The following KLF8 variants were observed in gnomAD, a reference collection of about 807,000 sequenced individuals.
KLF8 encodes Krueppel-like factor 8.
Under a neutral mutation model 18.2 loss-of-function variants are expected in KLF8, and 10 were observed. That is an observed-to-expected ratio of 0.55 (90% CI 0.34 to 0.93). The LOEUF is 0.93. Among genes scored for constraint, KLF8 ranks in the 40% least tolerant of loss-of-function variants. KLF8 has a pLI of 0.02. For synonymous variants in KLF8, 109 were observed against 97.3 expected (o/e 1.12, Z -0.71); for missense variants, 264 against 277.9 (o/e 0.95, Z 0.36).
the KLF8 span, among the ~76,000 whole-genome samples, chrX:56,174,966 G>A: frequency 3.6e-5 from 4 of 111,421 alleles, no homozygotes; most frequent in Non-Finnish European, 7.5e-5. Context: ...TTTTTATTGC[G>A]TCTATTTGGT....
At chrX:55,972,087 C>A in the KLF8 span, among the ~76,000 whole-genome samples, 1 of 111,521 alleles carries the variant, frequency 9.0e-6, no homozygotes, top group Non-Finnish European at 1.9e-5. Context: ...GATATCTGCA[C>A]TCTCATGTTT....
the KLF8 span, among the ~76,000 whole-genome samples, chrX:55,945,257 G>A: frequency 1.1e-4 from 12 of 110,272 alleles, no homozygotes; most frequent in Non-Finnish European, 1.9e-4. Flanking sequence ...CCAACTATGC[G>A]GTCAATTTTG....
At chrX:56,132,003 G>A in the KLF8 span, among the ~76,000 whole-genome samples, 2 of 111,478 alleles carry the variant, frequency 1.8e-5, no homozygotes, top group African/African-American at 6.5e-5. Context: ...ATTACAACTA[G>A]ACCTATGAAA....
At chrX:55,991,492 T>G in the KLF8 span, among the ~76,000 whole-genome samples, 3 of 111,559 alleles carry the variant, frequency 2.7e-5, no homozygotes, top group African/African-American at 9.8e-5. Flanking sequence ...TCCCACTCGG[T>G]GCACTGCAAC....
the KLF8 span, among the ~76,000 whole-genome samples, chrX:55,929,825 T>C: frequency 9.2e-6 from 1 of 108,250 alleles, no homozygotes; most frequent in Non-Finnish European, 1.9e-5. Flanking sequence ...TTTTTTTTTT[T>C]CTTTTTTTTT....
chrX:56,123,531 A>G, the KLF8 span, among the ~76,000 whole-genome samples: 5 of 112,093 alleles, frequency 4.5e-5, no homozygotes, highest in African/African-American at 1.6e-4. Context: ...ATTATTTCTA[A>G]GAAGAGTGGT....
chrX:56,245,468 G>A (rs1277363361), intron 1 of KLF8, among the ~76,000 whole-genome samples: 1 of 112,073 alleles, frequency 8.9e-6, no homozygotes, highest in East Asian at 2.8e-4. Context: ...AACTCCTGTA[G>A]TCACAGTACC....
At chrX:56,074,095 TC>T in the KLF8 span, among the ~76,000 whole-genome samples, 1 of 111,772 alleles carries the variant, frequency 8.9e-6, no homozygotes, top group Non-Finnish European at 1.9e-5. Flanking sequence ...TTTTATTTCT[TC>T]TTTGGAAAAA....
chrX:56,041,394 C>T, the KLF8 span, among the ~76,000 whole-genome samples: 1 of 111,333 alleles, frequency 9.0e-6, no homozygotes, highest in Non-Finnish European at 1.9e-5. Flanking sequence ...GGATTACAGG[C>T]ATGAGCCACC....
At chrX:56,225,219 T>C in the KLF8 span, among the ~76,000 whole-genome samples, 3 of 111,456 alleles carry the variant, frequency 2.7e-5, no homozygotes, top group Non-Finnish European at 5.6e-5. Context: ...CTTTTCAATT[T>C]TTTCATTATT....
At chrX:56,203,630 A>G in the KLF8 span, among the ~76,000 whole-genome samples, 1 of 112,273 alleles carries the variant, frequency 8.9e-6, no homozygotes, top group East Asian at 2.8e-4. Flanking sequence ...GTCTGGTTTC[A>G]TTCTTTTGCA....
chrX:56,021,122 A>G, the KLF8 span, among the ~76,000 whole-genome samples: 1 of 112,612 alleles, frequency 8.9e-6, no homozygotes, highest in African/African-American at 3.2e-5. Context: ...AATATGAAAC[A>G]TTATTATTTC....
chrX:56,258,050 C>T (rs147397573), intron 2 of KLF8, among the ~76,000 whole-genome samples: 4 of 111,807 alleles, frequency 3.6e-5, no homozygotes, highest in African/African-American at 1.3e-4. Flanking sequence ...TGATATTTAG[C>T]CCTATTTGAT....
At chrX:56,095,459 A>G in the KLF8 span, among the ~76,000 whole-genome samples, 1 of 111,475 alleles carries the variant, frequency 9.0e-6, no homozygotes, top group Non-Finnish European at 1.9e-5. Flanking sequence ...ATAGAAAAGT[A>G]GACAAATGGG....
At chrX:56,061,637 T>A in the KLF8 span, among the ~76,000 whole-genome samples, 4 of 111,787 alleles carry the variant, frequency 3.6e-5, no homozygotes, top group Non-Finnish European at 7.5e-5. Flanking sequence ...GAATGTATAT[T>A]CTGTTGATAT....
chrX:56,062,065 T>G, the KLF8 span, among the ~76,000 whole-genome samples: 1 of 105,163 alleles, frequency 9.5e-6, no homozygotes, highest in Non-Finnish European at 1.9e-5. Context: ...TCTTTGCATG[T>G]GAGATGGGTC....
chrX:55,936,517 CAGACAGTGGGTGCA>C, the KLF8 span, among the ~76,000 whole-genome samples: 1 of 112,693 alleles, frequency 8.9e-6, no homozygotes, highest in Non-Finnish European at 1.9e-5. Context: ...TGGAGAGTGC[CAGACAGTGGGTGCA>C]GGACTGTGGG....
the KLF8 span, among the ~76,000 whole-genome samples, chrX:56,153,053 A>G: frequency 8.9e-6 from 1 of 112,230 alleles, no homozygotes; most frequent in African/African-American, 3.2e-5. Flanking sequence ...GTATTTATCA[A>G]TATTTACCAT....
the KLF8 span, among the ~76,000 whole-genome samples, chrX:56,145,827 A>T: frequency 9.0e-6 from 1 of 111,489 alleles, no homozygotes; most frequent in Admixed American, 9.5e-5. Context: ...CATCTGACAA[A>T]GGGCTAACAT....
Sources: gnomAD v4.1 joint callset for allele counts (sites outside exome capture counted in the v4.1 genomes callset) on GRCh38, gnomAD v4.1.1 for gene constraint, MANE v1.5 for transcripts, NCBI Gene and HGNC (gene_info 2026-07-23, HGNC 2026-07-21) for gene names.